The following TGM4 variants were observed in gnomAD, a reference collection of about 807,000 sequenced individuals.
TGM4 encodes protein-glutamine gamma-glutamyltransferase 4.
Under a neutral mutation model 76.3 loss-of-function variants are expected in TGM4, and 61 were observed. The ratio of observed to expected loss-of-function variants is 0.80; its 90% CI spans 0.65 to 0.99. The LOEUF is 0.99. Among genes scored for constraint, TGM4 ranks in the 50% least tolerant of loss-of-function variants. The probability of loss-of-function intolerance (pLI) is 0.00; values close to 1 mark genes in which losing one functional copy is unlikely to be tolerated. For missense variants in TGM4, 794 were observed against 843.2 expected, an observed-to-expected ratio of 0.94 and a Z score of 0.72; for synonymous variants, 337 against 329.8, an observed-to-expected ratio of 1.02 and a Z score of -0.24.
Position 44,910,117 on chromosome 3 carries a change from A to C in TGM4, c.1355A>C (p.Asp452Ala). The C allele has an allele frequency of 6.2e-7, 1 of 1,614,156 alleles. No homozygotes were observed. The highest frequency in any genetic ancestry group is 8.5e-7 in the Non-Finnish European group (1 of 1,180,038). The change falls in exon 11 of 14, where the codon GAT (aspartate) becomes GCT (alanine). Residue 452 changes from aspartate to alanine, a missense_variant. Physicochemically the swap from Asp to Ala is moderately radical, Grantham distance 126. Transcript: ENST00000296125. ...EGSSEERQVM[D>A]HAFLLLSSER... ...TCCTCTGAGGAGAGGCAGGTCATGG[A>C]TCATGCCTTCCTCCTTCTCAGTTCT...
At chr3:44,893,473 C>A in intron 4 of TGM4, 104 bp from the exon 5 acceptor site, 1 of 999,656 alleles carries the variant, frequency 1.0e-6, no homozygotes. Flanking sequence ...CCAAGCCCCT[C>A]ACAAAGACCT....
At chr3:44,890,441 A>T (rs1699675951) in intron 3 of TGM4, 162 bp from the exon 4 acceptor site, 4 of 955,114 alleles carry the variant, frequency 4.2e-6, no homozygotes, top group Non-Finnish European at 6.3e-6. Context: ...CTGCCCTTGC[A>T]GGGGCGCTCC....
chr3:44,887,333 G>A (rs936425226), intron 2 of TGM4, among the ~76,000 whole-genome samples: 3 of 152,204 alleles, frequency 2.0e-5, no homozygotes, highest in African/African-American at 4.8e-5. Flanking sequence ...CCTGCATTGC[G>A]TGGAGTGAAC....
At chr3:44,904,046 G>T in intron 9 of TGM4, 59 bp downstream of exon 9, 1 of 1,477,370 alleles carries the variant, frequency 6.8e-7, no homozygotes, top group Non-Finnish European at 9.4e-7. Context: ...ATGGCCCAGG[G>T]TTCTGTGGGT....
At chr3:44,910,788 T>A (rs1339098738) in intron 11 of TGM4, among the ~76,000 whole-genome samples, 170 bp from the exon 12 acceptor site, 1 of 152,206 alleles carries the variant, frequency 6.6e-6, no homozygotes, top group Non-Finnish European at 1.5e-5. Flanking sequence ...TGGCCAATTA[T>A]TATTCCATCT....
chr3:44,893,470 C>A (rs1473400519), intron 4 of TGM4, 107 bp from the exon 5 acceptor site: 1 of 954,132 alleles, frequency 1.0e-6, no homozygotes, highest in Non-Finnish European at 1.7e-6. Context: ...GTTCCAAGCC[C>A]CTCACAAAGA....
At chr3:44,908,538 C>G (rs1699957289) in intron 10 of TGM4, among the ~76,000 whole-genome samples, 1 of 150,248 alleles carries the variant, frequency 6.7e-6, no homozygotes, top group African/African-American at 2.5e-5. Flanking sequence ...GTTCACTCTT[C>G]CTCATTGTTT....
At chr3:44,884,081 C>G (rs541854739) in intron 1 of TGM4, among the ~76,000 whole-genome samples, 12 of 152,314 alleles carry the variant, frequency 7.9e-5, no homozygotes, top group Non-Finnish European at 1.6e-4. Flanking sequence ...CAGCCACACC[C>G]CAGATGTGCT....
intron 6 of TGM4, among the ~76,000 whole-genome samples, chr3:44,897,392 TC>T (rs1274886420): frequency 6.6e-6 from 1 of 152,180 alleles, no homozygotes; most frequent in Admixed American, 6.5e-5. Context: ...AGCCTCAGTT[TC>T]CCCCATCTGC....
At position 44,896,712 on chromosome 3, in the gene TGM4, G is replaced by A; in HGVS notation, c.553G>A (p.Glu185Lys). The change falls in exon 6 of 14, where the codon GAG becomes AAG. Residue 185 changes from glutamate (E) to lysine (K), a missense_variant. Physicochemically the swap from Glu to Lys is moderately conservative, Grantham distance 56. Transcript: ENST00000296125. Reference protein sequence around the residue: ...KCKPWNFGQFEKNVLDCCISL... With the variant: ...KCKPWNFGQFKKNVLDCCISL... The stretch of plus-strand genomic sequence containing the variant: ...CTTTCTTCATTTCCCAAAATAGTTT[G>A]AGAAAAATGTCCTGGACTGCTGCAT... 6.2e-7 allele frequency: 1 copy of A among 1,614,024 alleles called. No homozygotes were observed. Among genetic ancestry groups the A allele is most frequent in the Non-Finnish European group, 8.5e-7 (1 of 1,179,936 alleles).
chr3:44,885,061 G>A (rs902629322), intron 1 of TGM4, among the ~76,000 whole-genome samples: 2 of 152,146 alleles, frequency 1.3e-5, no homozygotes, highest in African/African-American at 2.4e-5. Flanking sequence ...CCTATTTTGC[G>A]GGGTTACATG....
chr3:44,887,075 C>G (rs1575714067), intron 2 of TGM4, among the ~76,000 whole-genome samples: 2 of 152,212 alleles, frequency 1.3e-5, no homozygotes, highest in African/African-American at 4.8e-5. Flanking sequence ...GTGTCACATG[C>G]TCTTTGTCAT....
rs1453214380 is a variant in TGM4 at position 44,896,815 on chromosome 3, T to C, written c.656T>C (p.Met219Thr). 12 of 1,613,436 alleles carry C rather than the reference T, an allele frequency of 7.4e-6. No homozygotes were observed. Among genetic ancestry groups the C allele is most frequent in the South Asian group, 2.2e-5 (2 of 91,070 alleles). The change falls in exon 6 of 14, where the codon ATG becomes ACG. Residue 219 changes from methionine (M) to threonine (T), a missense_variant and splice_region_variant. By Grantham distance (81) the Met-to-Thr change is moderately conservative. Coordinates refer to ENST00000296125, the MANE Select transcript of TGM4 (RefSeq NM_003241.4). ...PVLVCRAMCA[M>T]MSFEKGQGVL... ...CTGGTGTGCAGGGCCATGTGTGCTA[T>C]GGTAGGTATGGAAAGCCTGGGCTGA...
Position 44,911,317 on chromosome 3 carries a change from C to G in TGM4, c.1824C>G (p.Ile608Met). The G allele has an allele frequency of 1.2e-6, 2 of 1,614,260 alleles. No homozygotes were observed. Among genetic ancestry groups the G allele is most frequent in the Non-Finnish European group, 1.7e-6 (2 of 1,180,050 alleles). The change falls in exon 13 of 14, where the codon ATC becomes ATG. Residue 608 changes from isoleucine (I) to methionine (M), a missense_variant. Ile to Met is a conservative substitution (Grantham distance 10). Coordinates refer to ENST00000296125, the MANE Select transcript of TGM4 (RefSeq NM_003241.4). ...RIGQLLVCNCIFKNTLAIPLT... is the reference protein window; with the variant it reads ...RIGQLLVCNCMFKNTLAIPLT... ...GCCAGCTACTTGTCTGCAATTGTAT[C>G]TTCAAGAATACCCTGGCCATCCCTT... is the stretch of plus-strand genomic sequence containing the variant.
chr3:44,878,807 T>C (rs1423094895), intron 1 of TGM4, among the ~76,000 whole-genome samples: 1 of 152,106 alleles, frequency 6.6e-6, no homozygotes, highest in East Asian at 1.9e-4. Flanking sequence ...TTGTGATTCT[T>C]TGTGGTTCCT....
At chr3:44,879,257 C>CTATATATA (rs1553671338) in intron 1 of TGM4, among the ~76,000 whole-genome samples, 9 of 100,466 alleles carry the variant, frequency 9.0e-5, no homozygotes, top group Non-Finnish European at 1.7e-4. Context: ...CTCTCTCTCT[C>CTATATATA]TCTCTCTCTA....
chr3:44,886,216 T>C (rs139629705), intron 2 of TGM4, among the ~76,000 whole-genome samples: 7 of 147,542 alleles, frequency 4.7e-5, no homozygotes, highest in African/African-American at 1.5e-4. Context: ...TAGTGGCAGG[T>C]GCCTGTAATC....
chr3:44,894,789 G>A (rs140618938), intron 5 of TGM4, among the ~76,000 whole-genome samples: 118 of 152,162 alleles, frequency 7.8e-4, no homozygotes, highest in African/African-American at 1.7e-3. Context: ...CCCAGCTGGC[G>A]AGGCTCCCAC....
At chr3:44,908,225 T>C (rs1479211153) in intron 10 of TGM4, among the ~76,000 whole-genome samples, 3 of 152,226 alleles carry the variant, frequency 2.0e-5, no homozygotes, top group East Asian at 3.8e-4. Context: ...CTTTGAAGTC[T>C]CTTTGTGTTC....
Sources: gnomAD v4.1 joint callset for allele counts (sites outside exome capture counted in the v4.1 genomes callset) on GRCh38, gnomAD v4.1.1 for gene constraint, MANE v1.5 for transcripts, NCBI Gene and HGNC (gene_info 2026-07-23, HGNC 2026-07-21) for gene names.